COL19A1: variants seen among roughly 807,000 people sequenced by gnomAD.
COL19A1 encodes the protein collagen alpha-1(XIX) chain.
COL19A1 carries 159 observed loss-of-function variants against 190.2 expected under a neutral mutation model. The ratio of observed to expected loss-of-function variants is 0.84; its 90% confidence interval spans 0.73 to 0.95. The LOEUF (loss-of-function observed/expected upper bound fraction) is 0.95. COL19A1 is among the 40% of genes least tolerant of loss of function. The pLI is 0.00. For missense variants in COL19A1, 1,418 were observed against 1,431.9 expected (o/e 0.99, Z 0.16); for synonymous variants, 509 against 458.9 (o/e 1.11, Z -1.39).
At chr6:70,119,287 CT>C (rs1053698292) in intron 16 of COL19A1, among the ~76,000 whole-genome samples, 12 of 152,158 alleles carry the variant, frequency 7.9e-5, no homozygotes, top group African/African-American at 2.9e-4. Context: ...GGTTAAGAGA[CT>C]GTATGAACAT....
chr6:69,988,021 G>C (rs1422761217), intron 11 of COL19A1, among the ~76,000 whole-genome samples: 2 of 152,136 alleles, frequency 1.3e-5, no homozygotes, highest in Non-Finnish European at 2.9e-5. Flanking sequence ...GACTCATACA[G>C]GTTCTGGAAA....
At chr6:70,000,992 A>G (rs1777227053) in intron 11 of COL19A1, among the ~76,000 whole-genome samples, 1 of 151,946 alleles carries the variant, frequency 6.6e-6, no homozygotes, top group Admixed American at 6.6e-5. Flanking sequence ...TAGGGTTTTT[A>G]TGTTTTTGGG....
At chr6:69,972,411 C>T (rs370722920) in intron 11 of COL19A1, among the ~76,000 whole-genome samples, 1 of 152,246 alleles carries the variant, frequency 6.6e-6, no homozygotes, top group East Asian at 1.9e-4. Flanking sequence ...TGTCTGTGTA[C>T]GTTTTTATCT....
chr6:70,085,285 C>T (rs1782511736), intron 15 of COL19A1, among the ~76,000 whole-genome samples: 1 of 152,034 alleles, frequency 6.6e-6, no homozygotes, highest in Non-Finnish European at 1.5e-5. Flanking sequence ...CAGCCTGTGC[C>T]CTGCTAACTA....
At chr6:70,067,959 A>G (rs1781343834) in intron 14 of COL19A1, among the ~76,000 whole-genome samples, 1 of 152,112 alleles carries the variant, frequency 6.6e-6, no homozygotes, top group African/African-American at 2.4e-5. Flanking sequence ...TAATATTAAA[A>G]GTTCAATGTT....
At chr6:70,016,745 A>AT (rs141357281) in intron 11 of COL19A1, among the ~76,000 whole-genome samples, 3,080 of 152,156 alleles carry the variant, frequency 0.02, 108 homozygotes, top group African/African-American at 0.066. Flanking sequence ...TTCAAAGAAG[A>AT]TATGTGAATG....
chr6:69,893,977 G>T (rs537107747), intron 2 of COL19A1, among the ~76,000 whole-genome samples: 3 of 149,678 alleles, frequency 2.0e-5, no homozygotes, highest in African/African-American at 7.4e-5. Flanking sequence ...CCCACTTTAA[G>T]TTGTCCCACC....
chr6:69,904,862 G>T (rs1237685068), intron 4 of COL19A1, among the ~76,000 whole-genome samples: 5 of 152,172 alleles, frequency 3.3e-5, no homozygotes, highest in Admixed American at 6.5e-5. Context: ...CACACGGCTT[G>T]TGCTGGGATG....
chr6:70,203,882 G>A (rs117066032), intron 49 of COL19A1, among the ~76,000 whole-genome samples: 2,083 of 150,304 alleles, frequency 0.014, 74 homozygotes, highest in East Asian at 0.13. Flanking sequence ...TTTTTGAGCC[G>A]GATTTTCACT....
intron 2 of COL19A1, among the ~76,000 whole-genome samples, chr6:69,894,915 G>A (rs1347684165): frequency 6.6e-6 from 1 of 152,188 alleles, no homozygotes. Flanking sequence ...CTAGCAAAGG[G>A]GGAAAATATC....
chr6:70,191,380 G>T (rs514586), intron 48 of COL19A1, among the ~76,000 whole-genome samples: 1 of 151,906 alleles, frequency 6.6e-6, no homozygotes, highest in Non-Finnish European at 1.5e-5. Context: ...TTCATATCTT[G>T]TTCCAACCTG....
chr6:69,997,516 A>G (rs542659070), intron 11 of COL19A1, among the ~76,000 whole-genome samples: 2 of 152,306 alleles, frequency 1.3e-5, no homozygotes, highest in South Asian at 4.1e-4. Flanking sequence ...AAATATGACA[A>G]TTACTCAATC....
In COL19A1 at chr6:70,027,946, C is replaced by A. The variant is rs546196566; in HGVS notation, c.1080+4266C>A. On this transcript the variant is annotated intron_variant, in intron 12 of 50. Transcript: ENST00000620364. ...ATGTACTACTTGGTAAATTACTTAG[C>A]CTCTCTGTGCCTCAGTTTCTTTATT... Among the ~76,000 whole-genome samples, 3 of 152,104 alleles carry A rather than the reference C, an allele frequency of 2.0e-5. No individual in the cohort carries two copies. In the East Asian group the frequency reaches 5.8e-4, roughly 29 times the overall value.
chr6:69,873,685 C>T (rs961876459), intron 1 of COL19A1, among the ~76,000 whole-genome samples: 2 of 152,054 alleles, frequency 1.3e-5, no homozygotes, highest in African/African-American at 4.8e-5. Flanking sequence ...TGCCCTGTAC[C>T]CACCCTCATA....
chr6:70,169,246 T>C (rs1372516429), intron 40 of COL19A1, among the ~76,000 whole-genome samples: 2 of 152,206 alleles, frequency 1.3e-5, no homozygotes, highest in Admixed American at 6.5e-5. Context: ...CTCAGCATCT[T>C]TCTGAACCAT....
intron 16 of COL19A1, among the ~76,000 whole-genome samples, chr6:70,106,334 G>GTGTT (rs1783963598): frequency 6.7e-6 from 1 of 149,770 alleles, no homozygotes; most frequent in South Asian, 2.1e-4. Flanking sequence ...GTGTGCGTGT[G>GTGTT]TGTGTGTGTG....
At position 69,900,281 on chromosome 6, in the gene COL19A1, G is replaced by A. The variant is rs1482341827; in HGVS notation, c.209G>A (p.Cys70Tyr). ...GDSFSLRRAFCESDKTCFKLG... is the reference protein window; with the variant it reads ...GDSFSLRRAFYESDKTCFKLG... ...AGCTTTTCTCTAAGACGTGCATTTT[G>A]TGAAAGTGATAAAACCTGTTTCAAA... Residue 70 changes from cysteine (C) to tyrosine (Y), a missense_variant, in exon 4 of 51, where the codon TGT becomes TAT. Transcript: ENST00000620364. 1 of 1,596,510 alleles carries A rather than the reference G, an allele frequency of 6.3e-7. No homozygotes were observed. The highest frequency in any genetic ancestry group is 1.3e-5 in the African/African-American group (1 of 74,524).
At chr6:70,168,329 T>C in intron 39 of COL19A1, 114 bp downstream of exon 39, 3 of 1,034,244 alleles carry the variant, frequency 2.9e-6, no homozygotes, top group Non-Finnish European at 4.3e-6. Flanking sequence ...TACAGCCAAA[T>C]TTTACAGCAG....
At chr6:69,925,243 A>T (rs1772283555) in intron 4 of COL19A1, among the ~76,000 whole-genome samples, 2 of 152,108 alleles carry the variant, frequency 1.3e-5, no homozygotes, top group Admixed American at 1.3e-4. Context: ...TCTTTAATCC[A>T]TCTTGAATTA....
Sources: allele counts gnomAD v4.1 joint callset (sites outside exome capture counted in the v4.1 genomes callset), GRCh38; gene constraint gnomAD v4.1.1; transcripts MANE v1.5; gene names NCBI Gene and HGNC (gene_info 2026-07-23, HGNC 2026-07-21).